CHST9: variants seen among roughly 807,000 people sequenced by gnomAD.
The protein encoded by CHST9 is GalNAc-4-sulfotransferase 2.
Under a neutral mutation model 44.4 loss-of-function variants are expected in CHST9, and 41 were observed. That is an observed-to-expected ratio of 0.92 (90% confidence interval 0.72 to 1.20). The LOEUF is 1.20. CHST9 is among the 50% of genes most tolerant of loss of function. The pLI, the probability that CHST9 is intolerant of heterozygous loss-of-function variation, is 0.00. For missense variants in CHST9, 504 were observed against 516.5 expected (o/e 0.98, Z 0.23); for synonymous variants, 171 against 178.4 (o/e 0.96, Z 0.33).
chr18:27,155,640 C>T (rs1449982166), intron 1 of CHST9, among the ~76,000 whole-genome samples: 2 of 152,150 alleles, frequency 1.3e-5, no homozygotes, highest in African/African-American at 4.8e-5. Flanking sequence ...ATCCTGTCTA[C>T]ACTTAATCTT....
At chr18:27,149,412 AC>A (rs2058641730) in intron 1 of CHST9, among the ~76,000 whole-genome samples, 1 of 152,080 alleles carries the variant, frequency 6.6e-6, no homozygotes, top group Non-Finnish European at 1.5e-5. Context: ...CACGGTATAG[AC>A]GTACCACATT....
intron 4 of CHST9, among the ~76,000 whole-genome samples, chr18:26,978,199 C>A (rs1405990615): frequency 6.6e-6 from 1 of 150,652 alleles, no homozygotes; most frequent in Non-Finnish European, 1.5e-5. Context: ...AATTAGAAAT[C>A]TCTTTGTCTC....
chr18:27,088,435 G>A (rs929347457), intron 2 of CHST9, among the ~76,000 whole-genome samples: 12 of 145,918 alleles, frequency 8.2e-5, no homozygotes, highest in African/African-American at 2.8e-4. Context: ...TCGCTCTGTC[G>A]GCAGGCTGGA....
chr18:27,081,598 T>A (rs2057961495), intron 2 of CHST9, among the ~76,000 whole-genome samples: 1 of 152,170 alleles, frequency 6.6e-6, no homozygotes, highest in Non-Finnish European at 1.5e-5. Context: ...TATATTTACG[T>A]TTCCTGGGTG....
chr18:27,084,522 T>C (rs2057991695), intron 2 of CHST9, among the ~76,000 whole-genome samples: 1 of 151,862 alleles, frequency 6.6e-6, no homozygotes. Context: ...TGATTGTGTT[T>C]GTTTCAGTCT....
intron 1 of CHST9, among the ~76,000 whole-genome samples, chr18:27,144,109 G>A (rs567912218): frequency 2.2e-4 from 33 of 152,212 alleles, no homozygotes; most frequent in African/African-American, 6.3e-4. Flanking sequence ...TGTATCTAAC[G>A]CTGGCCAGAA....
chr18:26,981,551 T>C (rs1283797060), intron 4 of CHST9, among the ~76,000 whole-genome samples: 1 of 152,210 alleles, frequency 6.6e-6, no homozygotes, highest in East Asian at 1.9e-4. Flanking sequence ...CAGGAATACA[T>C]GTGCAATCCT....
intron 2 of CHST9, among the ~76,000 whole-genome samples, chr18:27,092,762 G>A (rs1163203949): frequency 6.6e-6 from 1 of 152,200 alleles, no homozygotes; most frequent in African/African-American, 2.4e-5. Context: ...AGTTTTGAGT[G>A]AGTCCTGGAT....
At chr18:27,042,539 G>C (rs1374751022) in intron 3 of CHST9, among the ~76,000 whole-genome samples, 1 of 152,074 alleles carries the variant, frequency 6.6e-6, no homozygotes, top group Admixed American at 6.6e-5. Context: ...GCTCCAGCAA[G>C]CCACAGCCTA....
chr18:27,043,013 A>G (rs901823947), intron 3 of CHST9, among the ~76,000 whole-genome samples: 4 of 151,682 alleles, frequency 2.6e-5, no homozygotes, highest in African/African-American at 9.7e-5. Context: ...TTACTTGCTC[A>G]CTCTGTGGCA....
intron 2 of CHST9, among the ~76,000 whole-genome samples, chr18:27,133,086 T>C (rs1273704095): frequency 6.6e-6 from 1 of 152,186 alleles, no homozygotes; most frequent in African/African-American, 2.4e-5. Flanking sequence ...ATAAATTTAC[T>C]GTGCTCATCA....
chr18:27,161,356 A>G (rs1286005248), intron 1 of CHST9, among the ~76,000 whole-genome samples: 2 of 151,920 alleles, frequency 1.3e-5, no homozygotes, highest in Admixed American at 6.6e-5. Context: ...TTCTGCCTTC[A>G]TTTCGTTATG....
chr18:27,041,540 T>C (rs371289535), intron 3 of CHST9, among the ~76,000 whole-genome samples: 104 of 152,212 alleles, frequency 6.8e-4, no homozygotes, highest in African/African-American at 2.4e-3. Flanking sequence ...AGCAAATAAA[T>C]CCTGTTTGGT....
intron 4 of CHST9, among the ~76,000 whole-genome samples, chr18:27,010,373 T>C (rs1324383740): frequency 6.6e-6 from 1 of 150,984 alleles, no homozygotes; most frequent in Admixed American, 6.6e-5. Context: ...CTGTAAGTCA[T>C]TGGCCACACA....
intron 2 of CHST9, among the ~76,000 whole-genome samples, chr18:27,062,981 C>G (rs1308659457): frequency 6.6e-6 from 1 of 152,178 alleles, no homozygotes; most frequent in Non-Finnish European, 1.5e-5. Context: ...TGACACCTCA[C>G]CTGGTAGGTC....
chr18:27,124,259 G>A (rs9958959), intron 2 of CHST9, among the ~76,000 whole-genome samples: 1,607 of 152,314 alleles, frequency 0.011, 24 homozygotes, highest in African/African-American at 0.034. Context: ...AGTTAACTTG[G>A]CATCCTGGCA....
intron 4 of CHST9, among the ~76,000 whole-genome samples, chr18:27,020,687 T>C (rs1287960166): frequency 6.6e-6 from 1 of 152,226 alleles, no homozygotes; most frequent in East Asian, 1.9e-4. Context: ...GTGTCTTATA[T>C]TAATTAAAAT....
At chr18:26,993,006 C>A (rs537989604) in intron 4 of CHST9, among the ~76,000 whole-genome samples, 15 of 152,252 alleles carry the variant, frequency 9.9e-5, no homozygotes, top group Admixed American at 6.5e-4. Flanking sequence ...AATACTTAAA[C>A]ACATCTCATA....
At chr18:27,019,615 G>A (rs1051644737) in intron 4 of CHST9, among the ~76,000 whole-genome samples, 4 of 146,018 alleles carry the variant, frequency 2.7e-5, no homozygotes, top group African/African-American at 1.0e-4. Flanking sequence ...AATCGGAGAT[G>A]CTAGTCTGGG....
Sources: gnomAD v4.1 joint callset for allele counts (sites outside exome capture counted in the v4.1 genomes callset) on GRCh38, gnomAD v4.1.1 for gene constraint, MANE v1.5 for transcripts, NCBI Gene and HGNC (gene_info 2026-07-23, HGNC 2026-07-21) for gene names.